Variants in TTC28 observed in about 807,000 individuals in gnomAD.
TTC28 encodes tetratricopeptide repeat protein 28.
TTC28 carries 61 observed loss-of-function variants against 198.0 expected under a neutral mutation model. The observed-to-expected ratio is 0.31, with a 90% confidence interval of 0.25 to 0.38. TTC28 has a LOEUF of 0.38. TTC28 is among the 10% of genes least tolerant of loss of function. The pLI is 1.00. For synonymous variants in TTC28, 1,171 were observed against 1,297.8 expected (o/e 0.90, Z 2.10); for missense variants, 2,678 against 3,164.0 (o/e 0.85, Z 3.69).
At chr22:28,532,165 C>G (rs1019456817) in intron 2 of TTC28, among the ~76,000 whole-genome samples, 1 of 151,744 alleles carries the variant, frequency 6.6e-6, no homozygotes, top group Admixed American at 6.6e-5. Context: ...ACTAGCAAGA[C>G]TAATAGAGAA....
chr22:28,615,512 C>T (rs755402818), intron 2 of TTC28, among the ~76,000 whole-genome samples: 8 of 152,112 alleles, frequency 5.3e-5, no homozygotes, highest in Non-Finnish European at 1.2e-4. Flanking sequence ...ATGTTTATTG[C>T]AGCACTATTC....
intron 2 of TTC28, among the ~76,000 whole-genome samples, chr22:28,484,793 C>T (rs1016079842): frequency 6.6e-6 from 1 of 152,262 alleles, no homozygotes; most frequent in Non-Finnish European, 1.5e-5. Context: ...CAATCAACCT[C>T]GTAACTATTC....
intron 1 of TTC28, among the ~76,000 whole-genome samples, chr22:28,661,146 T>C (rs371186131): frequency 4.0e-5 from 6 of 151,760 alleles, no homozygotes; most frequent in African/African-American, 1.5e-4. Context: ...TAGCCGTGTG[T>C]GGTGGCACAT....
At chr22:28,386,274 CAAAAAAAAAAAAAAAAA>C (rs71194764) in intron 2 of TTC28, among the ~76,000 whole-genome samples, 597 of 52,270 alleles carry the variant, frequency 0.011, 10 homozygotes, top group African/African-American at 0.036. Flanking sequence ...GACTCCGTCT[CAAAAAAAAAAAAAAAAA>C]AAAAAAAAAA....
intron 6 of TTC28, among the ~76,000 whole-genome samples, chr22:28,161,188 T>C (rs1921133397): frequency 6.6e-6 from 1 of 152,116 alleles, no homozygotes. Flanking sequence ...GGGATGCAGG[T>C]CAAGCAGTGT....
intron 4 of TTC28, 65 bp downstream of exon 4, chr22:28,297,515 T>A: frequency 1.3e-6 from 2 of 1,499,374 alleles, no homozygotes; most frequent in Non-Finnish European, 1.8e-6. Flanking sequence ...TTATTCTCAT[T>A]CATGTCATGT....
chr22:28,422,882 T>A (rs914291189), intron 2 of TTC28, among the ~76,000 whole-genome samples: 1 of 152,202 alleles, frequency 6.6e-6, no homozygotes, highest in Non-Finnish European at 1.5e-5. Context: ...ATATGTATTG[T>A]TAACATTATC....
chr22:28,062,179 G>A (rs1053707460), intron 12 of TTC28, among the ~76,000 whole-genome samples: 5 of 151,844 alleles, frequency 3.3e-5, no homozygotes, highest in Non-Finnish European at 7.4e-5. Flanking sequence ...TGCCTCAGCC[G>A]CCTGAGTAAC....
At chr22:28,253,820 T>C (rs1930692116) in intron 5 of TTC28, among the ~76,000 whole-genome samples, 1 of 152,090 alleles carries the variant, frequency 6.6e-6, no homozygotes, top group Admixed American at 6.5e-5. Flanking sequence ...AAAGAATTTA[T>C]GGGGCCGGGC....
At chr22:28,193,175 C>G (rs930729707) in intron 5 of TTC28, among the ~76,000 whole-genome samples, 1 of 152,106 alleles carries the variant, frequency 6.6e-6, no homozygotes, top group African/African-American at 2.4e-5. Context: ...ATTTCATATC[C>G]AGCCAAACTA....
chr22:28,597,925 G>A (rs1205883527), intron 2 of TTC28, among the ~76,000 whole-genome samples: 3 of 151,916 alleles, frequency 2.0e-5, no homozygotes, highest in East Asian at 2.0e-4. Context: ...CCAAGTAGCT[G>A]GGACAATAGG....
intron 2 of TTC28, among the ~76,000 whole-genome samples, chr22:28,385,013 C>T (rs535122250): frequency 4.0e-5 from 6 of 151,280 alleles, no homozygotes; most frequent in South Asian, 2.1e-4. Flanking sequence ...TGGTGGCATG[C>T]GACTGTAATC....
chr22:28,527,374 G>A (rs886495531), intron 2 of TTC28, among the ~76,000 whole-genome samples: 6 of 152,074 alleles, frequency 3.9e-5, no homozygotes, highest in Non-Finnish European at 7.4e-5. Context: ...CATTAATGCC[G>A]CCTCTTCCTC....
chr22:28,627,655 C>T (rs1455792343), intron 2 of TTC28, among the ~76,000 whole-genome samples: 1 of 152,096 alleles, frequency 6.6e-6, no homozygotes, highest in South Asian at 2.1e-4. Context: ...TGGTCTCAAA[C>T]TCCTGACCTC....
intron 5 of TTC28, among the ~76,000 whole-genome samples, chr22:28,249,081 G>A (rs939910326): frequency 4.6e-5 from 7 of 152,130 alleles, no homozygotes; most frequent in African/African-American, 1.7e-4. Flanking sequence ...CCCCTGAAGA[G>A]AACCACAATA....
chr22:28,599,115 G>A (rs1283887579), intron 2 of TTC28, among the ~76,000 whole-genome samples: 5 of 152,164 alleles, frequency 3.3e-5, no homozygotes, highest in Non-Finnish European at 7.4e-5. Context: ...GAAGTAGATT[G>A]TATTAAATTT....
intron 2 of TTC28, among the ~76,000 whole-genome samples, chr22:28,381,601 C>T (rs963210902): frequency 6.6e-5 from 10 of 152,016 alleles, no homozygotes; most frequent in Non-Finnish European, 1.0e-4. Flanking sequence ...AATCACTGCT[C>T]GCAAGTAACT....
intron 2 of TTC28, among the ~76,000 whole-genome samples, chr22:28,526,277 T>C (rs1036260968): frequency 6.6e-6 from 1 of 152,222 alleles, no homozygotes; most frequent in Non-Finnish European, 1.5e-5. Context: ...TTAGATATAA[T>C]TATTCTAACA....
chr22:28,467,867 T>C (rs979868785), intron 2 of TTC28, among the ~76,000 whole-genome samples: 2 of 152,016 alleles, frequency 1.3e-5, no homozygotes, highest in African/African-American at 4.8e-5. Flanking sequence ...GCTCAAGAGA[T>C]CCTCCCGTCT....
Sources: gnomAD v4.1 joint callset for allele counts (sites outside exome capture counted in the v4.1 genomes callset) on GRCh38, gnomAD v4.1.1 for gene constraint, MANE v1.5 for transcripts, NCBI Gene and HGNC (gene_info 2026-07-23, HGNC 2026-07-21) for gene names.